Variants in PDS5A observed in about 807,000 individuals in gnomAD.
PDS5A encodes sister chromatid cohesion protein PDS5 homolog A.
In PDS5A, 42 loss-of-function variants were observed where a neutral mutation model predicts 167.1. The observed-to-expected ratio is 0.25, with a 90% confidence interval of 0.20 to 0.33. The LOEUF is 0.33. Ranked by LOEUF, PDS5A falls within the 10% of genes least tolerant of loss-of-function variation. The pLI is 1.00. For missense variants in PDS5A, 1,033 were observed against 1,605.9 expected, an observed-to-expected ratio of 0.64 and a Z score of 6.10; for synonymous variants, 553 against 554.6, an observed-to-expected ratio of 1.00 and a Z score of 0.04.
chr4:39,975,523 G>C (rs1731006004), intron 2 of PDS5A, among the ~76,000 whole-genome samples: 1 of 152,194 alleles, frequency 6.6e-6, no homozygotes, highest in Non-Finnish European at 1.5e-5. Flanking sequence ...CTGAAAAGTT[G>C]TTAAATCATT....
intron 14 of PDS5A, among the ~76,000 whole-genome samples, chr4:39,899,316 T>A (rs55948619): frequency 0.25 from 37,369 of 152,102 alleles, 5,061 homozygotes; most frequent in East Asian, 0.44. Context: ...CTTTCCTGTA[T>A]CCCATAAAAC....
intron 29 of PDS5A, 135 bp from the exon 30 acceptor site, chr4:39,844,936 G>T: frequency 1.0e-6 from 1 of 964,244 alleles, no homozygotes; most frequent in Non-Finnish European, 1.4e-6. Context: ...TTCATTCTGG[G>T]CCAGGCATAC....
intron 10 of PDS5A, chr4:39,910,035 T>TC (rs1723759812): frequency 2.5e-6 from 1 of 402,082 alleles, no homozygotes; most frequent in Non-Finnish European, 4.4e-6. Flanking sequence ...TGAAAGCCTT[T>TC]CTCTTAAAAT....
Position 39,837,957 on chromosome 4 carries a change from C to T in PDS5A, c.3909G>A (p.Gln1303=). 3 of 1,614,036 alleles carry T rather than the reference C, an allele frequency of 1.9e-6. 1 individual carries two copies. In the South Asian group the frequency reaches 3.3e-5, roughly 18 times the overall value. ...CTGCTTCCAAACCCCCAGGGCTCTC[C>T]TGACCCACTGCAGCTCTCTTCCTTC... The part of the protein sequence containing the change: ...NKGRKRAAVG[Q]ESPGGLEAGN... Residue 1303 remains glutamine, a synonymous_variant, in exon 32 of 33, where the codon CAG becomes CAA. Transcript: ENST00000303538.
chr4:39,834,924 C>A (rs558010788), intron 32 of PDS5A, among the ~76,000 whole-genome samples: 2 of 152,304 alleles, frequency 1.3e-5, no homozygotes, highest in African/African-American at 4.8e-5. Flanking sequence ...CACCTCAGCT[C>A]CCTGAGTACA....
At chr4:39,879,223 G>T (rs1487421751) in intron 18 of PDS5A, among the ~76,000 whole-genome samples, 1 of 152,074 alleles carries the variant, frequency 6.6e-6, no homozygotes, top group Non-Finnish European at 1.5e-5. Context: ...GCAGCTGGTT[G>T]TAAGCCAGGT....
Position 39,974,614 on chromosome 4 carries a change from C to T in PDS5A, c.138+1826G>A, listed in dbSNP as rs867313204. 9.9e-5 allele frequency among the ~76,000 whole-genome samples: 15 copies of T among 152,086 alleles called. No homozygotes were observed. In the South Asian group the frequency reaches 1.0e-3, roughly 11 times the overall value. On this transcript the variant is annotated intron_variant, in intron 2 of 32. Coordinates refer to ENST00000303538, the MANE Select transcript of PDS5A (RefSeq NM_001100399.2). ...GGCTGGAGTGCAATGGCGCGATCTC[C>T]GCTCATCAAAACTTCCGCCTCCCGG... is the stretch of plus-strand genomic sequence containing the variant.
chr4:39,890,399 T>C (rs1489230831), intron 16 of PDS5A, 35 bp from the exon 17 acceptor site: 4 of 1,107,670 alleles, frequency 3.6e-6, no homozygotes, highest in Non-Finnish European at 4.0e-6. Flanking sequence ...AAAAACGTGA[T>C]TTGCTTTCAT....
intron 5 of PDS5A, among the ~76,000 whole-genome samples, chr4:39,925,343 T>C (rs1725361428): frequency 6.6e-6 from 1 of 152,178 alleles, no homozygotes; most frequent in East Asian, 1.9e-4. Context: ...AGGCAATGTT[T>C]AAGATTTTTT....
At chr4:39,831,816 C>T (rs972782393) in intron 32 of PDS5A, among the ~76,000 whole-genome samples, 34 of 120,448 alleles carry the variant, frequency 2.8e-4, no homozygotes, top group East Asian at 5.7e-4. Flanking sequence ...GCGGAGGTTG[C>T]GGTGAGCCGA....
At position 39,853,228 on chromosome 4, in the gene PDS5A, G is replaced by GT. The variant is rs1351810142; in HGVS notation, c.3087-3577dup. 9.9e-5 allele frequency among the ~76,000 whole-genome samples: 15 copies of GT among 152,246 alleles called. No individual in the cohort carries two copies. In the Middle Eastern group the frequency reaches 0.01, roughly 104 times the overall value. On this transcript the variant is annotated intron_variant, in intron 26 of 32. Transcript: ENST00000303538. ...CATTTTAATCACTTTTTTGAAAACA[G>GT]TATCAACTCTTAACAATTTTCCTTC... is the stretch of plus-strand genomic sequence containing the variant.
intron 17 of PDS5A, among the ~76,000 whole-genome samples, chr4:39,883,872 C>A (rs972558456): frequency 6.6e-6 from 1 of 151,854 alleles, no homozygotes; most frequent in Admixed American, 6.6e-5. Flanking sequence ...TCAAGTGATC[C>A]ACCCACCTCC....
intron 17 of PDS5A, 47 bp downstream of exon 17, chr4:39,890,202 G>A (rs1201472319): frequency 1.1e-5 from 11 of 1,005,798 alleles, no homozygotes; most frequent in Middle Eastern, 2.1e-4. Context: ...CAACATTGTC[G>A]TTGCAGATTA....
Position 39,866,890 on chromosome 4 carries a change from C to T in PDS5A, c.2613G>A (p.Glu871=). The T allele has an allele frequency of 1.2e-6, 2 of 1,613,012 alleles. No individual in the cohort carries two copies. The highest frequency in any genetic ancestry group is 1.3e-5 in the African/African-American group (1 of 75,006). Residue 871 remains glutamate, a synonymous_variant, in exon 23 of 33, where the codon GAG becomes GAA. Coordinates refer to ENST00000303538, the MANE Select transcript of PDS5A (RefSeq NM_001100399.2). The part of the protein sequence containing the change: ...LRLLSAMLVS[E]GDLTEQKRIS... ...TCCTCTTTTGCTCTGTCAGGTCACC[C>T]TCACTAACCAACATCGCTGATAATA... is the stretch of plus-strand genomic sequence containing the variant.
intron 2 of PDS5A, among the ~76,000 whole-genome samples, chr4:39,963,042 G>A (rs1242682454): frequency 2.0e-5 from 3 of 151,580 alleles, no homozygotes; most frequent in Non-Finnish European, 4.4e-5. Flanking sequence ...AAATCAGGCC[G>A]ACCTGGTGGC....
At chr4:39,842,935 A>ATATATATATATATATATATATATATATT (rs1717190137) in intron 30 of PDS5A, among the ~76,000 whole-genome samples, 1 of 139,712 alleles carries the variant, frequency 7.2e-6, no homozygotes, top group Non-Finnish European at 1.5e-5. Flanking sequence ...ATATATATAT[A>ATATATATATATATATATATATATATATT]TATTTTAAGA....
At position 39,925,844 on chromosome 4, in the gene PDS5A, T is replaced by C. The variant is rs758906828; in HGVS notation, c.519A>G (p.Ser173=). ...IFIQLFRTLF[S]VINNSHNKKV... Reference sequence around the variant, plus strand: ...CTTAAAAAATAACTTACTTGATCACTGAGAAGAGAGTTCTAAAAAGCTGAA... The same window carrying C: ...CTTAAAAAATAACTTACTTGATCACCGAGAAGAGAGTTCTAAAAAGCTGAA... Residue 173 remains serine, a synonymous_variant, in exon 5 of 33, where the codon TCA becomes TCG. Coordinates refer to ENST00000303538, the MANE Select transcript of PDS5A (RefSeq NM_001100399.2). 4.4e-6 allele frequency: 6 copies of C among 1,373,576 alleles called. No homozygotes were observed. Among genetic ancestry groups the C allele is most frequent in the African/African-American group, 1.4e-5 (1 of 69,226 alleles). 85.1% of individuals were successfully genotyped at this position (1,373,576 alleles called of 1,614,324 possible). A position where few individuals can be genotyped will look rare whatever the true frequency, so the allele number is the denominator to read the frequency against.
rs1716208518 is a variant in PDS5A at position 39,834,467 on chromosome 4, C to T, written c.4010+3389G>A. 2.0e-5 allele frequency among the ~76,000 whole-genome samples: 3 copies of T among 152,140 alleles called. No homozygotes were observed. The South Asian group carries it at 6.2e-4, about 32-fold the overall frequency. The stretch of plus-strand genomic sequence containing the variant: ...GCTCATTCCTCTCATCAGACAAGGG[C>T]AATTCTGCAAGAGTTCCCATGGGAA... On this transcript the variant is annotated intron_variant, in intron 32 of 32. Transcript: ENST00000303538.
chr4:39,949,830 A>AAAAAAAAAAAAAAG (rs1417384333), intron 2 of PDS5A, among the ~76,000 whole-genome samples: 6 of 150,776 alleles, frequency 4.0e-5, no homozygotes, highest in Admixed American at 1.3e-4. Context: ...AGAAAAAAAA[A>AAAAAAAAAAAAAAG]AAAAAGAAAA....
Sources: gnomAD v4.1 joint callset for allele counts (sites outside exome capture counted in the v4.1 genomes callset) on GRCh38, gnomAD v4.1.1 for gene constraint, MANE v1.5 for transcripts, NCBI Gene and HGNC (gene_info 2026-07-23, HGNC 2026-07-21) for gene names.